The following MYO5A variants were observed in gnomAD, a reference collection of about 807,000 sequenced individuals.
MYO5A encodes the protein unconventional myosin-Va.
MYO5A carries 98 observed loss-of-function variants against 249.7 expected under a neutral mutation model. That is an observed-to-expected ratio of 0.39 (90% CI 0.33 to 0.46). The LOEUF (loss-of-function observed/expected upper bound fraction) is 0.46, where lower values mean the gene tolerates loss of function less well. Ranked by LOEUF, MYO5A falls within the 20% of genes least tolerant of loss-of-function variation. MYO5A has a pLI of 0.98. For synonymous variants in MYO5A, 778 were observed against 810.6 expected, an observed-to-expected ratio of 0.96 and a Z score of 0.68; for missense variants, 1,696 against 2,308.8, an observed-to-expected ratio of 0.73 and a Z score of 5.44.
intron 15 of MYO5A, 56 bp from the exon 16 acceptor site, chr15:52,383,244 G>T: frequency 7.1e-7 from 1 of 1,402,270 alleles, no homozygotes; most frequent in South Asian, 1.2e-5. Flanking sequence ...TCAAAGGTGA[G>T]GTAAAACAAT....
chr15:52,323,340 T>G lies in MYO5A; in HGVS notation c.4800+15A>C, dbSNP rs1172032642. ...AAAGTATAGCATGCTGGTTTTGTAA[T>G]CAAGGTTTTCTCACCTCTTCTCCAC... On this transcript the variant is annotated intron_variant, in intron 37 of 41. Transcript: ENST00000399233. The G allele has an allele frequency of 6.2e-7, 1 of 1,603,750 alleles. No individual in the cohort carries two copies. The highest frequency in any genetic ancestry group is 8.5e-7 in the Non-Finnish European group (1 of 1,170,772).
chr15:52,397,584 C>T (rs2141186950), intron 9 of MYO5A, 118 bp from the exon 10 acceptor site: 4 of 1,179,996 alleles, frequency 3.4e-6, no homozygotes, highest in Non-Finnish European at 5.0e-6. Context: ...ATAACAAACA[C>T]CAAGATCACT....
At chr15:52,336,242 A>T (rs1339875564) in intron 34 of MYO5A, among the ~76,000 whole-genome samples, 1 of 152,246 alleles carries the variant, frequency 6.6e-6, no homozygotes, top group African/African-American at 2.4e-5. Context: ...ATGCTTACAG[A>T]GTAAAATCTG....
rs904925363 is a variant in MYO5A, at chr15:52,330,335, A to G, written c.4555+18T>C. ...CATGTGCCAGAAGGAACTTTTATCCAATGCAGAAAATACTTGCCCAGAATC... is the reference window on the plus strand; with the variant it reads ...CATGTGCCAGAAGGAACTTTTATCCGATGCAGAAAATACTTGCCCAGAATC... On this transcript the variant is annotated intron_variant, in intron 35 of 41. Transcript: ENST00000399233. The G allele has an allele frequency of 6.2e-7, 1 of 1,613,906 alleles. No homozygotes were observed. Among genetic ancestry groups the G allele is most frequent in the Non-Finnish European group, 8.5e-7 (1 of 1,179,932 alleles).
chr15:52,359,942 T>G, intron 25 of MYO5A, 26 bp downstream of exon 25: 1 of 1,511,160 alleles, frequency 6.6e-7, no homozygotes, highest in East Asian at 2.3e-5. Context: ...ATATCCTACT[T>G]TCAGTGACAG....
At chr15:52,423,713 A>G (rs1388738672) in intron 4 of MYO5A, among the ~76,000 whole-genome samples, 27 of 152,206 alleles carry the variant, frequency 1.8e-4, no homozygotes, top group Admixed American at 1.8e-3. Context: ...TAATTGAGGC[A>G]TATTTTAAAG....
chr15:52,390,580 AC>A (rs1672794760), intron 12 of MYO5A, among the ~76,000 whole-genome samples: 1 of 124,956 alleles, frequency 8.0e-6, no homozygotes, highest in South Asian at 2.4e-4. Context: ...TTTTTTTGAG[AC>A]AGGGTTTCAC....
intron 10 of MYO5A, 142 bp downstream of exon 10, chr15:52,397,059 A>C: frequency 1.0e-6 from 1 of 981,844 alleles, no homozygotes; most frequent in Non-Finnish European, 1.5e-6. Flanking sequence ...CATCACCATC[A>C]TCAAGGTATT....
intron 1 of MYO5A, among the ~76,000 whole-genome samples, chr15:52,433,999 C>CT (rs398043307): frequency 0.029 from 3,722 of 127,296 alleles, 77 homozygotes; most frequent in Non-Finnish European, 0.044. Context: ...CTTTCTTTTT[C>CT]TTTTTTTTTT....
chr15:52,317,393 G>A (rs1405515525), intron 39 of MYO5A, among the ~76,000 whole-genome samples, 171 bp from the exon 40 acceptor site: 1 of 151,914 alleles, frequency 6.6e-6, no homozygotes, highest in Non-Finnish European at 1.5e-5. Flanking sequence ...ATAGTCATGA[G>A]GATTATAATC....
At chr15:52,364,441 T>TG (rs2040707140) in intron 24 of MYO5A, 113 bp downstream of exon 24, 6 of 982,864 alleles carry the variant, frequency 6.1e-6, no homozygotes, top group Middle Eastern at 3.1e-4. Context: ...TTGAACATTC[T>TG]GGAACTGGGT....
intron 1 of MYO5A, among the ~76,000 whole-genome samples, chr15:52,439,547 TA>T (rs1260242263): frequency 6.6e-6 from 1 of 152,178 alleles, no homozygotes; most frequent in Non-Finnish European, 1.5e-5. Context: ...GGGCAGCACA[TA>T]TATGTTGATT....
chr15:52,487,250 T>C (rs1349557186), intron 1 of MYO5A, among the ~76,000 whole-genome samples: 1 of 151,670 alleles, frequency 6.6e-6, no homozygotes, highest in Non-Finnish European at 1.5e-5. Context: ...ACCTTGTTTC[T>C]ACAAAAAATA....
intron 1 of MYO5A, chr15:52,435,664 A>G (rs1189892988): frequency 2.2e-6 from 1 of 455,456 alleles, no homozygotes. Flanking sequence ...AAACTACTAG[A>G]TTTCATGGCT....
chr15:52,359,922 C>G (rs934730877), intron 25 of MYO5A, 46 bp downstream of exon 25: 5 of 1,339,884 alleles, frequency 3.7e-6, no homozygotes, highest in African/African-American at 1.5e-5. Context: ...TTGTTAACAA[C>G]AGCATGCTCA....
intron 9 of MYO5A, among the ~76,000 whole-genome samples, 186 bp downstream of exon 9, chr15:52,405,101 C>G (rs1325026000): frequency 3.4e-5 from 5 of 148,426 alleles, no homozygotes; most frequent in Non-Finnish European, 5.9e-5. Flanking sequence ...TCACTATGCA[C>G]CAGAGATTAG....
chr15:52,465,919 G>A (rs1207876521), intron 1 of MYO5A, among the ~76,000 whole-genome samples: 1 of 151,894 alleles, frequency 6.6e-6, no homozygotes, highest in Non-Finnish European at 1.5e-5. Context: ...GAAGAAGGAA[G>A]GTAGGTAGCC....
chr15:52,524,669 G>A (rs1451664579), intron 1 of MYO5A, among the ~76,000 whole-genome samples: 2 of 152,026 alleles, frequency 1.3e-5, no homozygotes, highest in Non-Finnish European at 2.9e-5. Flanking sequence ...CTTGAGTCCA[G>A]GAGTTTAAGA....
chr15:52,351,524 A>G (rs749723190), intron 27 of MYO5A, 43 bp from the exon 28 acceptor site: 35 of 1,562,552 alleles, frequency 2.2e-5, no homozygotes, highest in Non-Finnish European at 2.9e-5. Context: ...GTCATCCTCA[A>G]CTTTACGTTG....
Sources: allele counts gnomAD v4.1 joint callset (sites outside exome capture counted in the v4.1 genomes callset), GRCh38; gene constraint gnomAD v4.1.1; transcripts MANE v1.5; gene names NCBI Gene and HGNC (gene_info 2026-07-23, HGNC 2026-07-21).